The following IFI27L1 variants were observed in gnomAD, a reference collection of about 807,000 sequenced individuals.
IFI27L1 encodes interferon alpha-inducible protein 27-like protein 1.
IFI27L1 carries 3 observed loss-of-function variants against 9.2 expected under a neutral mutation model. The observed-to-expected ratio is 0.32, with a 90% CI of 0.15 to 0.84. The LOEUF is 0.84. IFI27L1 is among the 40% of genes least tolerant of loss of function. IFI27L1 has a pLI of 0.56. For missense variants in IFI27L1, 133 were observed against 134.2 expected (o/e 0.99, Z 0.05); for synonymous variants, 53 against 50.0 (o/e 1.06, Z -0.26).
chr14:94,096,420 G>T (rs112799434), intron 1 of IFI27L1, among the ~76,000 whole-genome samples: 5 of 152,202 alleles, frequency 3.3e-5, no homozygotes, highest in African/African-American at 1.2e-4. Context: ...TTTCAGCCGG[G>T]TGCAGTGGCT....
At chr14:94,102,071 T>C (rs1164270274) in intron 4 of IFI27L1, 96 bp downstream of exon 4, 2 of 1,316,720 alleles carry the variant, frequency 1.5e-6, no homozygotes, top group South Asian at 1.2e-5. Flanking sequence ...TCCGTGATCC[T>C]CTGCCTCTTG....
intron 2 of IFI27L1, among the ~76,000 whole-genome samples, chr14:94,099,261 G>T (rs552824949): frequency 2.5e-4 from 38 of 152,334 alleles, no homozygotes; most frequent in African/African-American, 8.7e-4. Context: ...AGAAGTGGGA[G>T]GGCAAGGGAA....
chr14:94,088,326 T>C, intron 1 of IFI27L1: 1 of 702,280 alleles, frequency 1.4e-6, no homozygotes, highest in Non-Finnish European at 2.6e-6. Context: ...TTTACTGGCA[T>C]AGATGCCCCA....
At position 94,093,942 on chromosome 14, in the gene IFI27L1, TA is replaced by T. The variant is rs1886576617; in HGVS notation, c.-51-2944del. Among the ~76,000 whole-genome samples the T allele has an allele frequency of 2.6e-5, 4 of 152,074 alleles. No individual in the cohort carries two copies. The South Asian group carries it at 8.3e-4, about 32-fold the overall frequency. ...AGTGTGAAGTCTGCGGAGAGAGGAA[TA>T]CAGAAAATTAAAGAAGTGACAGAAT... On this transcript the variant is annotated intron_variant, in intron 1 of 4. Coordinates refer to ENST00000555523, the MANE Select transcript of IFI27L1 (RefSeq NM_206949.3).
chr14:94,100,437 C>T (rs1466818398), intron 2 of IFI27L1: 2 of 985,144 alleles, frequency 2.0e-6, no homozygotes, highest in African/African-American at 3.5e-5. Context: ...GAGAGCTCAA[C>T]ACAACTCAGG....
At chr14:94,087,678 G>A (rs914279767) in intron 1 of IFI27L1, among the ~76,000 whole-genome samples, 8 of 151,642 alleles carry the variant, frequency 5.3e-5, no homozygotes, top group Non-Finnish European at 7.4e-5. Flanking sequence ...TGCCCGCCTC[G>A]GCCTCCCAAA....
intron 1 of IFI27L1, among the ~76,000 whole-genome samples, chr14:94,084,210 C>G (rs1886204559): frequency 6.6e-6 from 1 of 152,182 alleles, no homozygotes; most frequent in Non-Finnish European, 1.5e-5. Flanking sequence ...ACTTGGAGAT[C>G]TGTGACTTTA....
chr14:94,094,308 G>A (rs1225025104), intron 1 of IFI27L1, among the ~76,000 whole-genome samples: 1 of 152,136 alleles, frequency 6.6e-6, no homozygotes, highest in Non-Finnish European at 1.5e-5. Flanking sequence ...AGGATCATGG[G>A]ACATTGGGAG....
intron 3 of IFI27L1, 74 bp from the exon 4 acceptor site, chr14:94,101,740 G>C: frequency 1.3e-6 from 2 of 1,488,138 alleles, no homozygotes; most frequent in Admixed American, 3.4e-5. Context: ...CCTCCTCATC[G>C]CCCCAGGAGG....
chr14:94,101,245 G>A, intron 3 of IFI27L1: 1 of 246,558 alleles, frequency 4.1e-6, no homozygotes, highest in Admixed American at 4.9e-5. Flanking sequence ...AAATCATAAT[G>A]TTTCTCTGTC....
chr14:94,086,580 A>G (rs1045729868), intron 1 of IFI27L1, among the ~76,000 whole-genome samples: 1 of 152,196 alleles, frequency 6.6e-6, no homozygotes, highest in African/African-American at 2.4e-5. Flanking sequence ...TTAAAAAAAG[A>G]GAGTTATAAT....
intron 1 of IFI27L1, among the ~76,000 whole-genome samples, chr14:94,090,587 C>T (rs1238047473): frequency 6.6e-6 from 1 of 152,154 alleles, no homozygotes; most frequent in Non-Finnish European, 1.5e-5. Context: ...AATTCCTCTC[C>T]TTAAGAGGTT....
At chr14:94,087,910 C>G (rs1886336449) in intron 1 of IFI27L1, among the ~76,000 whole-genome samples, 1 of 152,176 alleles carries the variant, frequency 6.6e-6, no homozygotes, top group South Asian at 2.1e-4. Flanking sequence ...TACATGCTGT[C>G]AAATAAAGTA....
In IFI27L1 at chr14:94,086,490, C is replaced by T. The variant is rs369985451; in HGVS notation, c.-52+5041C>T. ...TATCTAATGAACCATTCCCCATTGCCAATAAATATTAATCTATAACCAGGG... is the reference window on the plus strand; with the variant it reads ...TATCTAATGAACCATTCCCCATTGCTAATAAATATTAATCTATAACCAGGG... On this transcript the variant is annotated intron_variant, in intron 1 of 4. Transcript: ENST00000555523. 4.9e-4 allele frequency among the ~76,000 whole-genome samples: 75 copies of T among 152,244 alleles called. 1 individual carries two copies. The highest frequency in any genetic ancestry group is 1.8e-3 in the African/African-American group (73 of 41,534).
chr14:94,097,092 A>AG (rs11421421), intron 2 of IFI27L1, 127 bp downstream of exon 2: 395,514 of 699,534 alleles, frequency 0.57, 118,399 homozygotes, highest in East Asian at 0.92. Flanking sequence ...CATGGAAAAG[A>AG]ATTATTCAGG....
At chr14:94,097,384 G>T in intron 2 of IFI27L1, 2 of 567,480 alleles carry the variant, frequency 3.5e-6, no homozygotes, top group Admixed American at 3.2e-5. Flanking sequence ...CTTTGTAATA[G>T]CTCTTTTCAT....
intron 2 of IFI27L1, 87 bp downstream of exon 2, chr14:94,097,052 CA>C (rs1886700094): frequency 9.4e-7 from 1 of 1,061,088 alleles, no homozygotes; most frequent in Non-Finnish European, 1.4e-6. Flanking sequence ...CAGATTATGT[CA>C]ACCCCAAATA....
chr14:94,102,591 T>C lies in IFI27L1; in HGVS notation c.*23T>C. 7.1e-7 allele frequency: 1 copy of C among 1,407,172 alleles called. No individual in the cohort carries two copies. The highest frequency in any genetic ancestry group is 9.5e-7 in the Non-Finnish European group (1 of 1,048,598). The allele number at this position is 1,407,172 out of a possible 1,614,324, so 87.2% of individuals were successfully genotyped here. ...TGAACACCACACTGAGGCAGGGAGT[T>C]GGCTCTCTTGGTGGAGATGACTTTC... On this transcript the variant is annotated 3_prime_UTR_variant, in exon 5 of 5. Coordinates refer to ENST00000555523, the MANE Select transcript of IFI27L1 (RefSeq NM_206949.3).
At chr14:94,087,662 G>A (rs566424520) in intron 1 of IFI27L1, among the ~76,000 whole-genome samples, 24 of 151,992 alleles carry the variant, frequency 1.6e-4, no homozygotes, top group South Asian at 4.2e-4. Flanking sequence ...TCCTGACCTC[G>A]TGATCTGCCC....
Sources: allele counts gnomAD v4.1 joint callset (sites outside exome capture counted in the v4.1 genomes callset), GRCh38; gene constraint gnomAD v4.1.1; transcripts MANE v1.5; gene names NCBI Gene and HGNC (gene_info 2026-07-23, HGNC 2026-07-21).